The following SNX18 variants were observed in gnomAD, a reference collection of about 807,000 sequenced individuals.
SNX18 encodes sorting nexin-18.
Under a neutral mutation model 48.7 loss-of-function variants are expected in SNX18, and 35 were observed. That is an observed-to-expected ratio of 0.72 (90% CI 0.55 to 0.95). The LOEUF is 0.95. Ranked by LOEUF, SNX18 falls within the 40% of genes least tolerant of loss-of-function variation. The pLI is 0.00. For synonymous variants in SNX18, 492 were observed against 384.7 expected (o/e 1.28, Z -3.26); for missense variants, 824 against 871.0 (o/e 0.95, Z 0.68).
At chr5:54,541,155 G>A (rs1762462769) in intron 1 of SNX18, among the ~76,000 whole-genome samples, 1 of 152,010 alleles carries the variant, frequency 6.6e-6, no homozygotes, top group Non-Finnish European at 1.5e-5. Flanking sequence ...AACCTCCCGA[G>A]TAGCTGGGAT....
At chr5:54,595,866 C>T in the SNX18 span, among the ~76,000 whole-genome samples, 1 of 152,208 alleles carries the variant, frequency 6.6e-6, no homozygotes, top group Admixed American at 6.5e-5. Flanking sequence ...CTTCCAACTT[C>T]TGGTGGTTTC....
rs76269002 is a variant in SNX18 at position 54,524,922 on chromosome 5, C to T, written c.1621+5349C>T. 1.9e-4 allele frequency among the ~76,000 whole-genome samples: 29 copies of T among 152,310 alleles called. No homozygotes were observed. The East Asian group carries it at 5.4e-3, about 28-fold the overall frequency. ...GAGCCTGGTGGATGGGCCAGTCTGC[C>T]CCAGGAGTTGCACCAAGGGGTGGGA... On this transcript the variant is annotated intron_variant, in intron 1 of 1. Coordinates refer to ENST00000381410, the MANE Select transcript of SNX18 (RefSeq NM_001102575.2).
chr5:54,526,845 A>C (rs541839729), intron 1 of SNX18, among the ~76,000 whole-genome samples: 1 of 152,134 alleles, frequency 6.6e-6, no homozygotes, highest in South Asian at 2.1e-4. Context: ...AGGGCATGGG[A>C]GGCAGGATGA....
At chr5:54,533,856 GA>G (rs1333756314) in intron 1 of SNX18, among the ~76,000 whole-genome samples, 1 of 152,114 alleles carries the variant, frequency 6.6e-6, no homozygotes, top group Non-Finnish European at 1.5e-5. Context: ...TTAGAGCAGA[GA>G]GGGGGAAGGG....
rs760780345 is a variant in SNX18, at chr5:54,518,258, C to T, written c.306C>T (p.Asp102=). 40 of 1,465,954 alleles carry T rather than the reference C, an allele frequency of 2.7e-5. No homozygotes were observed. Among genetic ancestry groups the T allele is most frequent in the Non-Finnish European group, 3.3e-5 (37 of 1,114,746 alleles). 90.8% of individuals were successfully genotyped at this position (1,465,954 alleles called of 1,614,324 possible). A position where few individuals can be genotyped will look rare whatever the true frequency, so the allele number is the denominator to read the frequency against. Residue 102 remains aspartate (D), a synonymous_variant, in exon 1 of 2, where the codon GAC becomes GAT. Transcript: ENST00000381410. ...CCGCCTCCTTCAAGCCGCCGCCTGA[C>T]GCCTTCCAGGCGCTGCTGCAGCCAC... ...APPASFKPPP[D]AFQALLQPQQ...
At chr5:54,615,734 A>T in the SNX18 span, among the ~76,000 whole-genome samples, 2 of 152,204 alleles carry the variant, frequency 1.3e-5, no homozygotes, top group African/African-American at 4.8e-5. Context: ...CTCTGGAGGA[A>T]AAAAATGTGC....
chr5:54,638,159 C>T, the SNX18 span, among the ~76,000 whole-genome samples: 1 of 152,218 alleles, frequency 6.6e-6, no homozygotes, highest in African/African-American at 2.4e-5. Flanking sequence ...ACAATGGCTG[C>T]TGCATAGATA....
chr5:54,608,987 G>A, the SNX18 span, among the ~76,000 whole-genome samples: 3 of 152,314 alleles, frequency 2.0e-5, no homozygotes, highest in South Asian at 6.2e-4. Context: ...TATATCTCAT[G>A]CTGGGCAGCT....
At chr5:54,629,229 A>G in the SNX18 span, among the ~76,000 whole-genome samples, 1 of 152,194 alleles carries the variant, frequency 6.6e-6, no homozygotes. Context: ...CCAGTCAATC[A>G]GGGTATGATC....
In SNX18 at chr5:54,517,939, G is replaced by A. The variant is rs763837910; in HGVS notation, c.-14G>A. ...ACGCCGGGAGTCGGGACCGCCAGTC[G>A]GGGCGCCGGGACCATGGCGCTGCGC... On this transcript the variant is annotated 5_prime_UTR_variant, in exon 1 of 2. Coordinates refer to ENST00000381410, the MANE Select transcript of SNX18 (RefSeq NM_001102575.2). The A allele has an allele frequency of 4.7e-6, 7 of 1,497,860 alleles. No homozygotes were observed. The highest frequency in any genetic ancestry group is 5.3e-6 in the Non-Finnish European group (6 of 1,127,484). 92.8% of individuals were successfully genotyped at this position (1,497,860 alleles called of 1,614,324 possible).
chr5:54,572,847 G>C, the SNX18 span, among the ~76,000 whole-genome samples: 1 of 122,716 alleles, frequency 8.1e-6, no homozygotes, highest in Non-Finnish European at 1.6e-5. Context: ...AAGCTGGAGT[G>C]CAGTGGTATG....
chr5:54,564,719 G>A, the SNX18 span, among the ~76,000 whole-genome samples: 1 of 152,148 alleles, frequency 6.6e-6, no homozygotes, highest in Admixed American at 6.5e-5. Flanking sequence ...TTAGCTGGGT[G>A]CGGTGGTACG....
At chr5:54,622,041 T>C in the SNX18 span, among the ~76,000 whole-genome samples, 72 of 152,358 alleles carry the variant, frequency 4.7e-4, no homozygotes, top group Non-Finnish European at 5.6e-4. Context: ...AACCAGAGCA[T>C]TCTCAAAAGA....
At chr5:54,569,255 A>G in the SNX18 span, among the ~76,000 whole-genome samples, 1 of 152,166 alleles carries the variant, frequency 6.6e-6, no homozygotes, top group South Asian at 2.1e-4. Context: ...AAGAGCGTTA[A>G]TCACCATTCA....
the SNX18 span, among the ~76,000 whole-genome samples, chr5:54,572,853 G>C: frequency 8.1e-6 from 1 of 123,590 alleles, no homozygotes; most frequent in African/African-American, 3.2e-5. Flanking sequence ...GAGTGCAGTG[G>C]TATGATCTCG....
the SNX18 span, among the ~76,000 whole-genome samples, chr5:54,602,743 T>C: frequency 6.6e-6 from 1 of 152,162 alleles, no homozygotes; most frequent in Non-Finnish European, 1.5e-5. Flanking sequence ...TCTCTTGGCT[T>C]GGGGTTTTAT....
chr5:54,565,294 T>G, the SNX18 span, among the ~76,000 whole-genome samples: 1 of 152,028 alleles, frequency 6.6e-6, no homozygotes, highest in Non-Finnish European at 1.5e-5. Context: ...TAGGAGTCCA[T>G]CCCGTAGAAA....
the SNX18 span, among the ~76,000 whole-genome samples, chr5:54,620,563 T>C: frequency 6.6e-6 from 1 of 152,202 alleles, no homozygotes; most frequent in African/African-American, 2.4e-5. Context: ...ACAGCAGATC[T>C]GTAGGGGACC....
chr5:54,522,258 C>G (rs975353619), intron 1 of SNX18, among the ~76,000 whole-genome samples: 1 of 152,130 alleles, frequency 6.6e-6, no homozygotes, highest in Non-Finnish European at 1.5e-5. Flanking sequence ...TGAGCGTATT[C>G]AGGACTTGTG....
Sources: allele counts gnomAD v4.1 joint callset (sites outside exome capture counted in the v4.1 genomes callset), GRCh38; gene constraint gnomAD v4.1.1; transcripts MANE v1.5; gene names NCBI Gene and HGNC (gene_info 2026-07-23, HGNC 2026-07-21).